The following ZNF704 variants were observed in gnomAD, a reference collection of about 807,000 sequenced individuals.
ZNF704 encodes the protein glucocorticoid induced gene 1.
In ZNF704, 10 loss-of-function variants were observed where a neutral mutation model predicts 44.7. The observed-to-expected ratio is 0.22, with a 90% confidence interval of 0.14 to 0.38. The LOEUF is 0.38. Among genes scored for constraint, ZNF704 ranks in the 10% least tolerant of loss-of-function variants. The pLI is 1.00. For synonymous variants in ZNF704, 211 were observed against 207.6 expected (o/e 1.02, Z -0.14); for missense variants, 390 against 545.5 (o/e 0.71, Z 2.84).
chr8:80,763,196 G>T (rs547327578), intron 2 of ZNF704, among the ~76,000 whole-genome samples: 81 of 152,336 alleles, frequency 5.3e-4, no homozygotes, highest in African/African-American at 1.9e-3. Flanking sequence ...TCTTCTCACA[G>T]CTCCACTTGG....
chr8:80,836,571 A>C (rs1434512665), intron 1 of ZNF704, among the ~76,000 whole-genome samples: 1 of 152,082 alleles, frequency 6.6e-6, no homozygotes, highest in East Asian at 1.9e-4. Flanking sequence ...TGAGCTCAAG[A>C]GTCAAGACCA....
chr8:80,752,588 C>T (rs1045107096), intron 2 of ZNF704, among the ~76,000 whole-genome samples: 8 of 151,832 alleles, frequency 5.3e-5, no homozygotes, highest in African/African-American at 1.9e-4. Flanking sequence ...GTTGCCCAGG[C>T]TGGAGTGCAA....
chr8:80,811,270 A>T (rs943169118), intron 2 of ZNF704, among the ~76,000 whole-genome samples: 12 of 152,240 alleles, frequency 7.9e-5, no homozygotes, highest in Non-Finnish European at 1.8e-4. Context: ...CATATGTTCA[A>T]ATAATGATAT....
intron 2 of ZNF704, among the ~76,000 whole-genome samples, chr8:80,717,339 G>T (rs763515777): frequency 6.6e-6 from 1 of 152,298 alleles, no homozygotes; most frequent in Middle Eastern, 3.4e-3. Flanking sequence ...TTCATGCCAG[G>T]CACTGAGGAT....
chr8:80,776,060 A>G (rs1454131550), intron 2 of ZNF704, among the ~76,000 whole-genome samples: 1 of 152,186 alleles, frequency 6.6e-6, no homozygotes, highest in Non-Finnish European at 1.5e-5. Context: ...TAGCTGCATG[A>G]TAGTCCTTTG....
rs1817538321 is a variant in ZNF704 at position 80,628,517 on chromosome 8, T to TA, written c.*12848dup. ...ACTTACTTCATGGTAATTAACCAGT[T>TA]ACAAGTGCATTTAAATTCATGTGTG... On this transcript the variant is annotated 3_prime_UTR_variant, in exon 9 of 9. Coordinates refer to ENST00000327835, the MANE Select transcript of ZNF704 (RefSeq NM_001033723.3). 6.6e-6 allele frequency: 1 copy of TA among 152,232 alleles called. No homozygotes were observed. The highest frequency in any genetic ancestry group is 6.5e-5 in the Admixed American group (1 of 15,282). 9.4% of individuals were successfully genotyped at this position (152,232 alleles called of 1,614,324 possible).
rs545057759 is a variant in ZNF704, at chr8:80,821,684, G to A, written c.-21-69C>T. 388 of 1,167,998 alleles carry A rather than the reference G, an allele frequency of 3.3e-4. 8 individuals are homozygous for A. The South Asian group carries it at 4.7e-3, about 14-fold the overall frequency. The allele number at this position is 1,167,998 out of a possible 1,614,324, so 72.4% of individuals were successfully genotyped here. On this transcript the variant is annotated intron_variant, in intron 1 of 8. Transcript: ENST00000327835. ...CCTTTGTACGACTACTGCAGATGGCGGTGAGGAGAGATTACAGACACTGTC... is the reference window on the plus strand; with the variant it reads ...CCTTTGTACGACTACTGCAGATGGCAGTGAGGAGAGATTACAGACACTGTC...
At chr8:80,866,715 C>T (rs1263558849) in intron 1 of ZNF704, among the ~76,000 whole-genome samples, 4 of 149,356 alleles carry the variant, frequency 2.7e-5, no homozygotes, top group East Asian at 2.0e-4. Context: ...GCCCCTCTTG[C>T]GGGGTTGGGG....
At chr8:80,769,989 C>A (rs192893471) in intron 2 of ZNF704, among the ~76,000 whole-genome samples, 8 of 152,166 alleles carry the variant, frequency 5.3e-5, no homozygotes, top group African/African-American at 1.9e-4. Flanking sequence ...GTGAAAGGCA[C>A]GCCTCACATG....
intron 7 of ZNF704, among the ~76,000 whole-genome samples, chr8:80,647,870 G>C (rs1043620962): frequency 2.0e-5 from 3 of 152,176 alleles, no homozygotes; most frequent in Non-Finnish European, 2.9e-5. Context: ...AGGGTTTGAG[G>C]GACATGGATT....
intron 2 of ZNF704, among the ~76,000 whole-genome samples, chr8:80,793,480 TA>T (rs1481518268): frequency 6.6e-6 from 1 of 152,130 alleles, no homozygotes; most frequent in Non-Finnish European, 1.5e-5. Context: ...ACATTCATAA[TA>T]TATTAATTAT....
intron 2 of ZNF704, among the ~76,000 whole-genome samples, chr8:80,798,376 C>T (rs1807842821): frequency 6.6e-6 from 1 of 152,080 alleles, no homozygotes; most frequent in South Asian, 2.1e-4. Context: ...GTGCCTCAGC[C>T]TCCCAAGTAG....
chr8:80,675,260 T>G (rs1251449662), intron 4 of ZNF704, among the ~76,000 whole-genome samples: 2 of 152,134 alleles, frequency 1.3e-5, no homozygotes, highest in East Asian at 3.9e-4. Context: ...GGCCTGAAGA[T>G]GAGAAAGACC....
rs1585953247 is a variant in ZNF704 at position 80,687,384 on chromosome 8, T to G, written c.400A>C (p.Ser134Arg). 1.9e-6 allele frequency: 3 copies of G among 1,604,700 alleles called. No homozygotes were observed. Among genetic ancestry groups the G allele is most frequent in the Non-Finnish European group, 1.7e-6 (2 of 1,178,356 alleles). ...GGGTTGGACTGGTCGCTGGGGGCGC[T>G]CCAGCTCCAGTAGCCGCTGCTGCTG... ...STSSSGYWSW[S>R]APSDQSNPST... The change falls in exon 4 of 9, where the codon AGC (serine) becomes CGC (arginine). Residue 134 changes from serine to arginine, a missense_variant. Around this residue, in one of 3 missense-constraint regions of ZNF704, gnomAD observed 305 missense variants for 435.7 expected, o/e 0.70. Transcript: ENST00000327835.
intron 2 of ZNF704, among the ~76,000 whole-genome samples, chr8:80,715,615 T>C (rs1458135050): frequency 6.6e-6 from 1 of 152,236 alleles, no homozygotes; most frequent in Non-Finnish European, 1.5e-5. Context: ...GGTCTGATCC[T>C]GCATGTCTCA....
Position 80,632,209 on chromosome 8 carries a change from C to T in ZNF704, c.*9157G>A, listed in dbSNP as rs1004670783. The T allele has an allele frequency of 6.6e-6, 1 of 152,146 alleles. No homozygotes were observed. The highest frequency in any genetic ancestry group is 1.5e-5 in the Non-Finnish European group (1 of 68,018). 9.4% of individuals were successfully genotyped at this position (152,146 alleles called of 1,614,324 possible). On this transcript the variant is annotated 3_prime_UTR_variant, in exon 9 of 9. Coordinates refer to ENST00000327835, the MANE Select transcript of ZNF704 (RefSeq NM_001033723.3). ...TCCTTCCTTAATGGTAGTCTCACCC[C>T]AGGTGCAGCAGTGAAATCTTGGCTC...
chr8:80,847,787 T>C (rs1308340263), intron 1 of ZNF704, among the ~76,000 whole-genome samples: 1 of 152,176 alleles, frequency 6.6e-6, no homozygotes, highest in Non-Finnish European at 1.5e-5. Context: ...AGCCGAAACC[T>C]CACATGTTCT....
At chr8:80,740,773 T>C (rs997549377) in intron 2 of ZNF704, among the ~76,000 whole-genome samples, 1 of 152,222 alleles carries the variant, frequency 6.6e-6, no homozygotes, top group African/African-American at 2.4e-5. Context: ...TCAACTCACC[T>C]GGACTGTCTT....
chr8:80,703,817 T>C (rs1341183857), intron 2 of ZNF704, among the ~76,000 whole-genome samples: 1 of 152,100 alleles, frequency 6.6e-6, no homozygotes, highest in Non-Finnish European at 1.5e-5. Context: ...CAAATAAGCA[T>C]TAAGTAAGGA....
Sources: allele counts gnomAD v4.1 joint callset (sites outside exome capture counted in the v4.1 genomes callset), GRCh38; gene constraint gnomAD v4.1.1; regional missense constraint gnomAD v4.1.1; transcripts MANE v1.5; gene names NCBI Gene and HGNC (gene_info 2026-07-23, HGNC 2026-07-21).